ADGRL2: variants seen among roughly 807,000 people sequenced by gnomAD.
ADGRL2 encodes adhesion G protein-coupled receptor L2.
ADGRL2 carries 44 observed loss-of-function variants against 157.4 expected under a neutral mutation model. The observed-to-expected ratio is 0.28, with a 90% CI of 0.22 to 0.36. ADGRL2 has a LOEUF of 0.36. Ranked by LOEUF, ADGRL2 falls within the 10% of genes least tolerant of loss-of-function variation. ADGRL2 has a pLI of 1.00. For missense variants in ADGRL2, 1,510 were observed against 1,768.9 expected (o/e 0.85, Z 2.63); for synonymous variants, 585 against 624.7 (o/e 0.94, Z 0.95).
At chr1:81,929,664 A>G (rs2095185198) in intron 3 of ADGRL2, among the ~76,000 whole-genome samples, 1 of 152,184 alleles carries the variant, frequency 6.6e-6, no homozygotes, top group African/African-American at 2.4e-5. Context: ...TGGAATGGAA[A>G]CAAATTTGCA....
chr1:81,700,703 C>T (rs1252288309), intron 1 of ADGRL2, among the ~76,000 whole-genome samples: 4 of 152,290 alleles, frequency 2.6e-5, no homozygotes, highest in Middle Eastern at 3.4e-3. Flanking sequence ...GTTCTGTATA[C>T]TCCAGAAGGG....
chr1:81,496,975 A>C (rs2078743964), intron 2 of ADGRL2, among the ~76,000 whole-genome samples: 1 of 152,036 alleles, frequency 6.6e-6, no homozygotes, highest in African/African-American at 2.4e-5. Context: ...CCACTTAAAA[A>C]CCCTTTTCAT....
At chr1:81,941,453 C>T (rs1024489671) in intron 4 of ADGRL2, among the ~76,000 whole-genome samples, 5 of 151,432 alleles carry the variant, frequency 3.3e-5, no homozygotes, top group Admixed American at 6.6e-5. Context: ...TACTGGGATG[C>T]ATAATTATAT....
intron 4 of ADGRL2, 28 bp downstream of exon 4, chr1:81,936,865 A>C (rs2095317640): frequency 7.3e-7 from 1 of 1,374,596 alleles, no homozygotes; most frequent in South Asian, 1.2e-5. Flanking sequence ...ATTTTTTTAC[A>C]CTTTGCCCAG....
intron 1 of ADGRL2, among the ~76,000 whole-genome samples, chr1:81,354,763 T>C (rs1349693842): frequency 2.0e-5 from 3 of 152,228 alleles, no homozygotes; most frequent in African/African-American, 7.2e-5. Flanking sequence ...GCAGCAAGCT[T>C]GCAAGGACAG....
chr1:81,926,144 G>A (rs763848285), intron 3 of ADGRL2, among the ~76,000 whole-genome samples: 7 of 151,924 alleles, frequency 4.6e-5, no homozygotes, highest in Non-Finnish European at 7.4e-5. Flanking sequence ...TGATCTTTAA[G>A]AAGTAAATAA....
At chr1:81,400,379 C>A (rs1358535526) in intron 1 of ADGRL2, among the ~76,000 whole-genome samples, 1 of 152,056 alleles carries the variant, frequency 6.6e-6, no homozygotes, top group Non-Finnish European at 1.5e-5. Flanking sequence ...ATGTAGGTTG[C>A]CCACAGAGCC....
intron 11 of ADGRL2, among the ~76,000 whole-genome samples, chr1:81,963,151 C>T (rs1655980955): frequency 7.1e-6 from 1 of 140,312 alleles, no homozygotes; most frequent in Admixed American, 7.5e-5. Flanking sequence ...CAGATTTGTT[C>T]CTAGACAACT....
intron 1 of ADGRL2, among the ~76,000 whole-genome samples, chr1:81,745,740 T>A (rs1273605300): frequency 6.6e-6 from 1 of 152,154 alleles, no homozygotes; most frequent in Non-Finnish European, 1.5e-5. Context: ...TAATGCTTTG[T>A]TATGTGGTTT....
intron 2 of ADGRL2, among the ~76,000 whole-genome samples, chr1:81,577,072 A>T (rs1033462781): frequency 6.6e-6 from 1 of 152,086 alleles, no homozygotes; most frequent in African/African-American, 2.4e-5. Flanking sequence ...TTCTGATTCT[A>T]TTACTGTCCC....
chr1:81,976,774 T>A (rs1660312866), intron 17 of ADGRL2, among the ~76,000 whole-genome samples: 1 of 151,908 alleles, frequency 6.6e-6, no homozygotes, highest in African/African-American at 2.4e-5. Context: ...GATTGTGGGA[T>A]GCTAGTGTTT....
intron 1 of ADGRL2, among the ~76,000 whole-genome samples, chr1:81,306,876 A>ATTT (rs1443016667): frequency 3.2e-4 from 30 of 94,406 alleles, no homozygotes; most frequent in African/African-American, 5.0e-4. Context: ...AACCGTAACA[A>ATTT]ATTTTTTTTT....
intron 3 of ADGRL2, among the ~76,000 whole-genome samples, chr1:81,678,237 A>G (rs2083036643): frequency 6.6e-6 from 1 of 152,240 alleles, no homozygotes; most frequent in African/African-American, 2.4e-5. Flanking sequence ...AACATGTGGC[A>G]GTATTTGATA....
intron 2 of ADGRL2, chr1:81,502,063 G>A: frequency 1.2e-6 from 2 of 1,601,824 alleles, no homozygotes; most frequent in South Asian, 1.1e-5. Context: ...CTGAGGAAGA[G>A]GACGGAGGTT....
chr1:81,672,311 A>G (rs1348514110), intron 3 of ADGRL2, among the ~76,000 whole-genome samples: 1 of 152,208 alleles, frequency 6.6e-6, no homozygotes, highest in Non-Finnish European at 1.5e-5. Flanking sequence ...AATCATTTTC[A>G]GCTTTCAACA....
chr1:81,365,634 T>C (rs114147874), intron 1 of ADGRL2, among the ~76,000 whole-genome samples: 4,120 of 152,246 alleles, frequency 0.027, 95 homozygotes, highest in Middle Eastern at 0.095. Context: ...CCTAATAATA[T>C]TGGTTGGGAA....
At chr1:81,790,859 G>T (rs902231623) in intron 2 of ADGRL2, among the ~76,000 whole-genome samples, 7 of 152,018 alleles carry the variant, frequency 4.6e-5, no homozygotes, top group African/African-American at 1.7e-4. Flanking sequence ...ATACACAAAT[G>T]TGAGCAGGCA....
At chr1:81,921,698 A>T (rs2094983051) in intron 3 of ADGRL2, among the ~76,000 whole-genome samples, 1 of 152,226 alleles carries the variant, frequency 6.6e-6, no homozygotes, top group Non-Finnish European at 1.5e-5. Context: ...TAGAAGTATA[A>T]TATGAGGATA....
At chr1:81,886,536 C>G (rs2094133403) in intron 2 of ADGRL2, among the ~76,000 whole-genome samples, 1 of 152,108 alleles carries the variant, frequency 6.6e-6, no homozygotes, top group Non-Finnish European at 1.5e-5. Flanking sequence ...AATTCTTGGC[C>G]AGAAAACGAA....
Sources: allele counts gnomAD v4.1 joint callset (sites outside exome capture counted in the v4.1 genomes callset), GRCh38; gene constraint gnomAD v4.1.1; transcripts MANE v1.5; gene names NCBI Gene and HGNC (gene_info 2026-07-23, HGNC 2026-07-21).